RXRA: variants seen among roughly 807,000 people sequenced by gnomAD.
RXRA encodes retinoid X receptor alpha, also known as retinoic acid receptor RXR-alpha.
Under a neutral mutation model 44.5 loss-of-function variants are expected in RXRA, and 5 were observed. The observed-to-expected ratio is 0.11, with a 90% CI of 0.06 to 0.24. RXRA has a LOEUF of 0.24. RXRA is among the 10% of genes least tolerant of loss of function. The pLI is 1.00. For missense variants in RXRA, 412 were observed against 646.5 expected, an observed-to-expected ratio of 0.64 and a Z score of 3.93; for synonymous variants, 291 against 271.4, an observed-to-expected ratio of 1.07 and a Z score of -0.71.
chr9:134,409,163 A>T (rs1488459092), intron 4 of RXRA, 44 bp downstream of exon 4: 1 of 1,493,064 alleles, frequency 6.7e-7, no homozygotes, highest in Non-Finnish European at 9.0e-7. Context: ...GTGTTGGACA[A>T]ACAGTGGGGC....
At chr9:134,409,278 G>A (rs1021709171) in intron 4 of RXRA, among the ~76,000 whole-genome samples, 159 bp downstream of exon 4, 2 of 152,184 alleles carry the variant, frequency 1.3e-5, no homozygotes, top group African/African-American at 2.4e-5. Flanking sequence ...CAGCGCGTGG[G>A]CACACGTGCG....
At chr9:134,403,436 T>C (rs7036665) in intron 2 of RXRA, 16,501 of 152,360 alleles carry the variant, frequency 0.11, 2,921 homozygotes, top group African/African-American at 0.37. Context: ...GTTGGCAGCA[T>C]GGTGCCCTGT....
At chr9:134,425,445 C>T (rs1831415998) in intron 6 of RXRA, 1 of 985,006 alleles carries the variant, frequency 1.0e-6, no homozygotes, top group South Asian at 4.7e-5. Context: ...CCCACCTGCC[C>T]CCTTCATCCC....
chr9:134,383,563 G>A (rs1338428347), intron 1 of RXRA, among the ~76,000 whole-genome samples: 1 of 152,162 alleles, frequency 6.6e-6, no homozygotes, highest in Non-Finnish European at 1.5e-5. Context: ...GCGCATTGAT[G>A]GGGTGAGGGC....
intron 1 of RXRA, among the ~76,000 whole-genome samples, chr9:134,352,272 A>G (rs7874146): frequency 0.038 from 5,811 of 151,770 alleles, 372 homozygotes; most frequent in African/African-American, 0.13. Flanking sequence ...AGGTGCTTGG[A>G]GGGCGAGGGG....
intron 1 of RXRA, among the ~76,000 whole-genome samples, chr9:134,376,836 C>T (rs35182096): frequency 0.62 from 93,769 of 152,130 alleles, 31,517 homozygotes; most frequent in East Asian, 0.81. Flanking sequence ...GCTGCAGGGT[C>T]TCAGGAGGGA....
At chr9:134,379,337 G>A (rs1405240748) in intron 1 of RXRA, 1 of 987,300 alleles carries the variant, frequency 1.0e-6, no homozygotes, top group African/African-American at 1.7e-5. Flanking sequence ...GAGGGCTGGG[G>A]GCTCCGTGAC....
intron 1 of RXRA, among the ~76,000 whole-genome samples, chr9:134,339,040 G>T (rs1830048432): frequency 6.6e-6 from 1 of 152,214 alleles, no homozygotes. Context: ...GCAGGGACCT[G>T]GGGACTTGGA....
chr9:134,348,149 G>A (rs534949759), intron 1 of RXRA, among the ~76,000 whole-genome samples: 4 of 152,276 alleles, frequency 2.6e-5, no homozygotes, highest in Middle Eastern at 3.4e-3. Context: ...AAGGGGAGTC[G>A]AGGGTGCCAG....
At chr9:134,424,478 G>A in intron 6 of RXRA, 3 of 985,446 alleles carry the variant, frequency 3.0e-6, no homozygotes, top group Non-Finnish European at 3.6e-6. Context: ...TGGCTTCGAG[G>A]GCCGCATGGT....
chr9:134,418,892 C>T (rs896964061), intron 5 of RXRA, among the ~76,000 whole-genome samples: 3 of 152,264 alleles, frequency 2.0e-5, no homozygotes, highest in Admixed American at 6.5e-5. Flanking sequence ...TCCCCACTGC[C>T]TCTGCCTGTC....
intron 1 of RXRA, among the ~76,000 whole-genome samples, chr9:134,354,971 T>C (rs972589004): frequency 6.6e-6 from 1 of 152,220 alleles, no homozygotes; most frequent in Non-Finnish European, 1.5e-5. Flanking sequence ...CTGGGGTGTC[T>C]GGAGCAGAGG....
At chr9:134,422,660 G>A (rs1319124718) in intron 6 of RXRA, 5 of 982,158 alleles carry the variant, frequency 5.1e-6, no homozygotes, top group African/African-American at 1.8e-5. Flanking sequence ...CCCACTCCCC[G>A]GACACTCCCC....
chr9:134,412,001 C>T (rs552717051), intron 4 of RXRA, among the ~76,000 whole-genome samples: 3 of 152,326 alleles, frequency 2.0e-5, no homozygotes, highest in East Asian at 1.9e-4. Flanking sequence ...AGGCACCCTC[C>T]TCCCCGGCCT....
At chr9:134,357,759 G>A (rs1294663163) in intron 1 of RXRA, among the ~76,000 whole-genome samples, 1 of 152,224 alleles carries the variant, frequency 6.6e-6, no homozygotes, top group Non-Finnish European at 1.5e-5. Flanking sequence ...CCACCCTCGG[G>A]GCAGAGCACC....
chr9:134,434,873 C>CGGGGGG (rs1831591429), intron 9 of RXRA, among the ~76,000 whole-genome samples: 8 of 108,896 alleles, frequency 7.3e-5, no homozygotes, highest in African/African-American at 3.0e-4. Context: ...GGGAGGGGGT[C>CGGGGGG]GGGGGAGGTG....
intron 1 of RXRA, among the ~76,000 whole-genome samples, chr9:134,382,266 G>A (rs1328350883): frequency 6.7e-6 from 1 of 148,584 alleles, no homozygotes; most frequent in Non-Finnish European, 1.5e-5. Context: ...AGAGGTTTGG[G>A]TGGTGTGTGT....
chr9:134,349,200 G>T lies in RXRA; in HGVS notation c.28+22541G>T, dbSNP rs1648651882. 6.6e-6 allele frequency among the ~76,000 whole-genome samples: 1 copy of T among 152,198 alleles called. No individual in the cohort carries two copies. Among genetic ancestry groups the T allele is most frequent in the South Asian group, 2.1e-4 (1 of 4,826 alleles). ...TCTTGCAGAAGAAGGGTCTGGCTGG[G>T]CCTGCAGACCCCAACTCCCTGCACC... On this transcript the variant is annotated intron_variant, in intron 1 of 9. Transcript: ENST00000481739. The surrounding 1 kb of genome is among the most constrained non-coding windows in gnomAD (Gnocchi z 4.3).
chr9:134,425,879 G>A (rs1295693734), intron 6 of RXRA: 1 of 985,160 alleles, frequency 1.0e-6, no homozygotes, highest in Non-Finnish European at 1.2e-6. Context: ...AGGAGTCGGT[G>A]TTATTACTGT....
Sources: allele counts gnomAD v4.1 joint callset (sites outside exome capture counted in the v4.1 genomes callset), GRCh38; gene constraint gnomAD v4.1.1; non-coding constraint Gnocchi (gnomAD v3.1); transcripts MANE v1.5; gene names NCBI Gene and HGNC (gene_info 2026-07-23, HGNC 2026-07-21).